The following RAD9B variants were observed in gnomAD, a reference collection of about 807,000 sequenced individuals.
The protein encoded by RAD9B is cell cycle checkpoint control protein RAD9B.
In RAD9B, 41 loss-of-function variants were observed where a neutral mutation model predicts 48.3. That is an observed-to-expected ratio of 0.85 (90% CI 0.66 to 1.10). The LOEUF (loss-of-function observed/expected upper bound fraction) is 1.10, where lower values mean the gene tolerates loss of function less well. Among genes scored for constraint, RAD9B ranks in the 50% least tolerant of loss-of-function variants. RAD9B has a pLI of 0.00. For missense variants in RAD9B, 444 were observed against 485.1 expected, an observed-to-expected ratio of 0.92 and a Z score of 0.80; for synonymous variants, 160 against 157.9, an observed-to-expected ratio of 1.01 and a Z score of -0.10.
At chr12:110,518,195 G>GAAA in intron 6 of RAD9B, among the ~76,000 whole-genome samples, 1 of 136,628 alleles carries the variant, frequency 7.3e-6, no homozygotes, top group Admixed American at 7.3e-5. Flanking sequence ...CGTCTCAAAA[G>GAAA]AAAAAAAAAA....
rs186074731 is a variant in RAD9B, at chr12:110,505,579, G to A, written c.118-38G>A. 4.7e-4 allele frequency: 702 copies of A among 1,493,396 alleles called. 6 individuals are homozygous for A. In the East Asian group the frequency reaches 0.016, roughly 34 times the overall value. The allele number at this position is 1,493,396 out of a possible 1,614,324, so 92.5% of individuals were successfully genotyped here. ...TACAGGTTCATGGGAGCCACCATGC[G>A]CAACCTCTCCTAAATAGTTTTTATC... On this transcript the variant is annotated intron_variant, in intron 2 of 10. Transcript: ENST00000409300.
At position 110,519,834 on chromosome 12, in the gene RAD9B, A is replaced by G. The variant is rs1403211624; in HGVS notation, c.808A>G (p.Asn270Asp). ...LSIDDMLVEA[N>D]FILATLADEQ... ...TATTGATGATATGTTAGTGGAAGCT[A>G]ACTTTATTTTGGCCACATTAGCTGA... is the stretch of plus-strand genomic sequence containing the variant. Residue 270 changes from asparagine (N) to aspartate (D), a missense_variant, in exon 9 of 11, where the codon AAC becomes GAC. Physicochemically the swap from Asn to Asp is conservative, Grantham distance 23. Coordinates refer to ENST00000409300, the MANE Select transcript of RAD9B (RefSeq NM_001286535.2). 1.9e-6 allele frequency: 3 copies of G among 1,613,276 alleles called. No homozygotes were observed. Among genetic ancestry groups the G allele is most frequent in the Non-Finnish European group, 2.5e-6 (3 of 1,179,682 alleles).
chr12:110,505,869 C>A, intron 3 of RAD9B, 97 bp downstream of exon 3: 1 of 891,614 alleles, frequency 1.1e-6, no homozygotes, highest in Non-Finnish European at 1.6e-6. Context: ...AAATGGCATT[C>A]AGGACAAATC....
chr12:110,518,052 G>A (rs186624275), intron 6 of RAD9B, among the ~76,000 whole-genome samples: 2 of 152,176 alleles, frequency 1.3e-5, no homozygotes, highest in East Asian at 1.9e-4. Flanking sequence ...TTAGCCGAGT[G>A]TGGTGGTGGG....
rs2064167655 is a variant in RAD9B at position 110,532,562 on chromosome 12, T to C, written c.*1909T>C. ...CTCTACAAAAATTAGCTGGGCACTT[T>C]GGATTTTAGAATTTGGATACAGAGT... On this transcript the variant is annotated 3_prime_UTR_variant, in exon 11 of 11. Transcript: ENST00000409300. 6.6e-6 allele frequency among the ~76,000 whole-genome samples: 1 copy of C among 152,190 alleles called. No individual in the cohort carries two copies. Among genetic ancestry groups the C allele is most frequent in the Admixed American group, 6.5e-5 (1 of 15,282 alleles).
chr12:110,512,178 ACTCTGTCACCCAGGCTG>A (rs2063481944), intron 4 of RAD9B, among the ~76,000 whole-genome samples: 1 of 108,572 alleles, frequency 9.2e-6, no homozygotes, highest in Non-Finnish European at 1.8e-5. Context: ...ACAGAGTCTC[ACTCTGTCACCCAGGCTG>A]GAGTGTACAG....
At chr12:110,506,791 T>G in intron 4 of RAD9B, 98 bp downstream of exon 4, 1 of 672,236 alleles carries the variant, frequency 1.5e-6, no homozygotes, top group Non-Finnish European at 2.6e-6. Context: ...TCTCGTTACA[T>G]TATTGCTTAG....
chr12:110,526,647 T>C lies in RAD9B; in HGVS notation c.1126-3878T>C, dbSNP rs187966560. 6.9e-3 allele frequency among the ~76,000 whole-genome samples: 1,041 copies of C among 151,732 alleles called. 1 individual carries two copies. Among genetic ancestry groups the C allele is most frequent in the Non-Finnish European group, 9.4e-3 (637 of 67,894 alleles). On this transcript the variant is annotated intron_variant, in intron 10 of 10. Coordinates refer to ENST00000409300, the MANE Select transcript of RAD9B (RefSeq NM_001286535.2). ...CCAATTGGTCGGGCACGGTGGCTCATGCCTGTAATCCCAGCACTTTGGGAG... is the reference window on the plus strand; with the variant it reads ...CCAATTGGTCGGGCACGGTGGCTCACGCCTGTAATCCCAGCACTTTGGGAG...
intron 4 of RAD9B, among the ~76,000 whole-genome samples, chr12:110,509,865 T>TC (rs2063409435): frequency 6.6e-6 from 1 of 152,038 alleles, no homozygotes; most frequent in African/African-American, 2.4e-5. Context: ...GTGGCAGGAG[T>TC]CAGGGATGGA....
chr12:110,526,652 G>A (rs965636353), intron 10 of RAD9B, among the ~76,000 whole-genome samples: 1 of 151,866 alleles, frequency 6.6e-6, no homozygotes, highest in Non-Finnish European at 1.5e-5. Context: ...GCTCATGCCT[G>A]TAATCCCAGC....
chr12:110,510,435 C>T (rs929192621), intron 4 of RAD9B, among the ~76,000 whole-genome samples: 4 of 152,132 alleles, frequency 2.6e-5, no homozygotes, highest in South Asian at 2.1e-4. Flanking sequence ...GCTTTGATAC[C>T]GGTAGAATGC....
Position 110,505,776 on chromosome 12 carries a change from A to G in RAD9B, c.273+4A>G. On this transcript the variant is annotated splice_donor_region_variant and intron_variant, in intron 3 of 10. Transcript: ENST00000409300. ...AAAATGCAAATTGGGAATGAAGGTA[A>G]ATATAAGTGGCCCTGGTTTTCTCTT... 6.2e-7 allele frequency: 1 copy of G among 1,611,066 alleles called. No individual in the cohort carries two copies. The highest frequency in any genetic ancestry group is 8.5e-7 in the Non-Finnish European group (1 of 1,178,396).
chr12:110,531,685 G>A lies in RAD9B; in HGVS notation c.*1032G>A, dbSNP rs1156940847. 9 of 1,554,254 alleles carry A rather than the reference G, an allele frequency of 5.8e-6. No homozygotes were observed. Among genetic ancestry groups the A allele is most frequent in the Middle Eastern group, 1.7e-4 (1 of 5,956 alleles). The stretch of plus-strand genomic sequence containing the variant: ...GCCTGAGTTTGGAGTGGAATAAGGT[G>A]GAAGACAAATGTCTCTGTTCTTTGG... On this transcript the variant is annotated 3_prime_UTR_variant, in exon 11 of 11. Coordinates refer to ENST00000409300, the MANE Select transcript of RAD9B (RefSeq NM_001286535.2).
intron 4 of RAD9B, among the ~76,000 whole-genome samples, 190 bp from the exon 5 acceptor site, chr12:110,512,589 A>G (rs2063492313): frequency 6.6e-6 from 1 of 152,226 alleles, no homozygotes; most frequent in Non-Finnish European, 1.5e-5. Flanking sequence ...AAGGTATGAC[A>G]TATTGCTTGG....
Position 110,519,856 on chromosome 12 carries a change from C to A in RAD9B, c.830C>A (p.Ala277Asp). The change falls in exon 9 of 11, where the codon GCT becomes GAT. Residue 277 changes from alanine to aspartate, a missense_variant. Ala to Asp is a moderately radical substitution (Grantham distance 126, BLOSUM62 -2). Transcript: ENST00000409300. ...VEANFILATL[A>D]DEQSRASSPQ... ...GCTAACTTTATTTTGGCCACATTAG[C>A]TGATGAACAAAGTAGAGCATCTTCA... 6.2e-7 allele frequency: 1 copy of A among 1,613,152 alleles called. No homozygotes were observed. The highest frequency in any genetic ancestry group is 1.3e-5 in the African/African-American group (1 of 74,994).
At chr12:110,519,006 C>A in intron 8 of RAD9B, 68 bp downstream of exon 8, 1 of 1,096,390 alleles carries the variant, frequency 9.1e-7, no homozygotes, top group Non-Finnish European at 1.3e-6. Context: ...CCTTTTGGAT[C>A]ACTTTGAAAT....
Position 110,506,612 on chromosome 12 carries a change from C to G in RAD9B, c.307C>G (p.Leu103Val). 6.2e-7 allele frequency: 1 copy of G among 1,601,454 alleles called. No individual in the cohort carries two copies. The highest frequency in any genetic ancestry group is 2.2e-5 in the East Asian group (1 of 44,710). Residue 103 changes from leucine to valine, a missense_variant, in exon 4 of 11, where the codon CTT becomes GTT. Leu to Val is a conservative substitution (Grantham distance 32). Coordinates refer to ENST00000409300, the MANE Select transcript of RAD9B (RefSeq NM_001286535.2). ...GCCCATCTTTAGATGTCTGAATTCC[C>G]TTGAAAGAAATATAGAGAAGTGCAG... is the stretch of plus-strand genomic sequence containing the variant. ...ILPIFRCLNS[L>V]ERNIEKCRIF...
In RAD9B at chr12:110,531,076, T is replaced by C. The variant is rs1052888399; in HGVS notation, c.*423T>C. 5.5e-5 allele frequency: 55 copies of C among 997,470 alleles called. No individual in the cohort carries two copies. Among genetic ancestry groups the C allele is most frequent in the Non-Finnish European group, 6.3e-5 (53 of 838,174 alleles). 61.8% of individuals were successfully genotyped at this position (997,470 alleles called of 1,614,324 possible). On this transcript the variant is annotated 3_prime_UTR_variant, in exon 11 of 11. Coordinates refer to ENST00000409300, the MANE Select transcript of RAD9B (RefSeq NM_001286535.2). ...ATCTTTTGTATTTGATTGCAAACAT[T>C]TGGATTTTAGTTTTCTCATGTAATA...
rs2064181693 is a variant in RAD9B, at chr12:110,533,274, C to A, written c.*2621C>A. 1 of 152,148 alleles carries A rather than the reference C, an allele frequency of 6.6e-6. No homozygotes were observed. The highest frequency in any genetic ancestry group is 2.1e-4 in the South Asian group (1 of 4,834). 9.4% of individuals were successfully genotyped at this position (152,148 alleles called of 1,614,324 possible). A position where few individuals can be genotyped will look rare whatever the true frequency, so the allele number is the denominator to read the frequency against. On this transcript the variant is annotated 3_prime_UTR_variant, in exon 11 of 11. Coordinates refer to ENST00000409300, the MANE Select transcript of RAD9B (RefSeq NM_001286535.2). ...TATAAATACTATATTTATTAAATAT[C>A]TTTACAGTTTATTTAAATGTATTTA...
Sources: allele counts gnomAD v4.1 joint callset (sites outside exome capture counted in the v4.1 genomes callset), GRCh38; gene constraint gnomAD v4.1.1; transcripts MANE v1.5; gene names NCBI Gene and HGNC (gene_info 2026-07-23, HGNC 2026-07-21).